Variants in SNX19 observed in about 807,000 individuals in gnomAD.
The protein encoded by SNX19 is sorting nexin 19, also known as sorting nexin-19.
A neutral mutation model predicts 85.2 loss-of-function variants in SNX19; 60 were observed. That is an observed-to-expected ratio of 0.70 (90% CI 0.57 to 0.87). The LOEUF is 0.87. Among genes scored for constraint, SNX19 ranks in the 40% least tolerant of loss-of-function variants. The pLI is 0.00. For missense variants in SNX19, 1,201 were observed against 1,217.8 expected (o/e 0.99, Z 0.21); for synonymous variants, 520 against 470.0 (o/e 1.11, Z -1.38).
Position 130,915,018 on chromosome 11 carries a change from C to T in SNX19, c.922G>A (p.Val308Ile), listed in dbSNP as rs775943612. 11 of 1,614,162 alleles carry T rather than the reference C, an allele frequency of 6.8e-6. No homozygotes were observed. Among genetic ancestry groups the T allele is most frequent in the African/African-American group, 1.3e-5 (1 of 75,040 alleles). Residue 308 changes from valine to isoleucine, a missense_variant, in exon 1 of 11, where the codon GTA (valine) becomes ATA (isoleucine). Around this residue, in one of 3 missense-constraint regions of SNX19, gnomAD observed 791 missense variants for 750.9 expected, o/e 1.05. Coordinates refer to ENST00000265909, the MANE Select transcript of SNX19 (RefSeq NM_014758.3). ...EQLPEGRASP[V>I]AAPVFLSYSE... ...TAACTTAGGAATACTGGGGCTGCTA[C>T]TGGAGAAGCTCTCCCTTCTGGAAGC...
At chr11:130,908,185 AG>A (rs1592361664) in intron 4 of SNX19, 102 bp from the exon 5 acceptor site, 1 of 1,378,300 alleles carries the variant, frequency 7.3e-7, no homozygotes. Flanking sequence ...GGACAAGGAG[AG>A]GGGCCAGGCT....
At chr11:130,900,326 C>T (rs1945175815) in intron 8 of SNX19, among the ~76,000 whole-genome samples, 1 of 152,146 alleles carries the variant, frequency 6.6e-6, no homozygotes, top group African/African-American at 2.4e-5. Context: ...CATATATTGA[C>T]ATTTTATCCT....
At position 130,876,090 on chromosome 11, in the gene SNX19, T is replaced by G. The variant is rs1197299805; in HGVS notation, c.*2332A>C. 1 of 152,248 alleles carries G rather than the reference T, an allele frequency of 6.6e-6. No individual in the cohort carries two copies. The highest frequency in any genetic ancestry group is 2.4e-5 in the African/African-American group (1 of 41,468). 9.4% of individuals were successfully genotyped at this position (152,248 alleles called of 1,614,324 possible). A position where few individuals can be genotyped will look rare whatever the true frequency, so the allele number is the denominator to read the frequency against. On this transcript the variant is annotated 3_prime_UTR_variant, in exon 11 of 11. Coordinates refer to ENST00000265909, the MANE Select transcript of SNX19 (RefSeq NM_014758.3). ...AGTAAGAAAAGGGAAAGTAGTCTTA[T>G]TTCAAATATCAAAATTCTGACTTAA...
chr11:130,894,925 G>A, intron 8 of SNX19: 4 of 985,370 alleles, frequency 4.1e-6, no homozygotes, highest in Non-Finnish European at 4.8e-6. Flanking sequence ...CATGCACTAG[G>A]CTATGATTTC....
rs765929743 is a variant in SNX19 at position 130,903,307 on chromosome 11, T to G, written c.2521A>C (p.Thr841Pro). ...CGAAGAAACTTTTGCATGTTTTCGG[T>G]ACATAGCCATTTCCACTGTTCTGTT... ...LLTEQWKWLC[T>P]ENMQKFLRLI... The change falls in exon 8 of 11, where the codon ACC (threonine) becomes CCC (proline). Residue 841 changes from threonine (T) to proline (P), a missense_variant. Around this residue, in one of 3 missense-constraint regions of SNX19, gnomAD observed 285 missense variants for 295.3 expected, o/e 0.97. Transcript: ENST00000265909. 1.3e-5 allele frequency: 21 copies of G among 1,614,012 alleles called. No individual in the cohort carries two copies. The highest frequency in any genetic ancestry group is 1.7e-5 in the Non-Finnish European group (20 of 1,179,922).
At position 130,915,413 on chromosome 11, in the gene SNX19, G is replaced by A; in HGVS notation, c.527C>T (p.Thr176Ile). 1 of 1,613,930 alleles carries A rather than the reference G, an allele frequency of 6.2e-7. No homozygotes were observed. The highest frequency in any genetic ancestry group is 8.5e-7 in the Non-Finnish European group (1 of 1,180,040). The change falls in exon 1 of 11, where the codon ACT becomes ATT. Residue 176 changes from threonine (T) to isoleucine (I), a missense_variant. Thr to Ile is a moderately conservative substitution (Grantham distance 89). Transcript: ENST00000265909. ...CTCAACTGGACCATTCTTCCCTGCA[G>A]TGGCCTCCTTTGCCTGAATGTAGCT... is the stretch of plus-strand genomic sequence containing the variant. ...LQSYIQAKEA[T>I]AGKNGPVEPS... is the part of the protein sequence containing the mutation.
rs973169919 is a variant in SNX19, at chr11:130,866,875, G to A, written c.*11547C>T. The A allele has an allele frequency of 2.6e-5, 4 of 152,224 alleles. No individual in the cohort carries two copies. Among genetic ancestry groups the A allele is most frequent in the African/African-American group, 4.8e-5 (2 of 41,458 alleles). The allele number at this position is 152,224 out of a possible 1,614,324, so 9.4% of individuals were successfully genotyped here. ...AGGTCCTGGCTTTGCTAATAATAAT[G>A]ACATTTATTATGCACTGTGTGCTAG... On this transcript the variant is annotated 3_prime_UTR_variant, in exon 11 of 11. Transcript: ENST00000265909.
In SNX19 at chr11:130,869,119, TAAC is replaced by T. The variant is rs1942907946; in HGVS notation, c.*9300_*9302del. ...ACAAGACAATCTGCCTCCAAGGGAT[TAAC>T]AGCCCAGTAGGGAAGACAGACCAAC... On this transcript the variant is annotated 3_prime_UTR_variant, in exon 11 of 11. Coordinates refer to ENST00000265909, the MANE Select transcript of SNX19 (RefSeq NM_014758.3). The T allele has an allele frequency of 2.0e-5, 3 of 152,322 alleles. No individual in the cohort carries two copies. In the South Asian group the frequency reaches 6.2e-4, roughly 32 times the overall value. The allele number at this position is 152,322 out of a possible 1,614,324, so 9.4% of individuals were successfully genotyped here. A position where few individuals can be genotyped will look rare whatever the true frequency, so the allele number is the denominator to read the frequency against.
At chr11:130,902,458 A>C (rs1945323794) in intron 8 of SNX19, among the ~76,000 whole-genome samples, 1 of 152,224 alleles carries the variant, frequency 6.6e-6, no homozygotes, top group Non-Finnish European at 1.5e-5. Context: ...ACCTGTTAGC[A>C]TGAGCCTCAT....
At chr11:130,908,555 T>C (rs759180128) in intron 4 of SNX19, among the ~76,000 whole-genome samples, 3 of 152,210 alleles carry the variant, frequency 2.0e-5, no homozygotes, top group Non-Finnish European at 2.9e-5. Flanking sequence ...CATAGTAATA[T>C]TAACATGCTT....
At chr11:130,883,542 T>G (rs1943840098) in intron 8 of SNX19, among the ~76,000 whole-genome samples, 1 of 152,138 alleles carries the variant, frequency 6.6e-6, no homozygotes, top group Admixed American at 6.5e-5. Flanking sequence ...AGCTGCAGAG[T>G]GCCAGCTTTC....
intron 10 of SNX19, 37 bp downstream of exon 10, chr11:130,879,587 A>G: frequency 6.3e-7 from 1 of 1,575,742 alleles, no homozygotes; most frequent in Non-Finnish European, 8.7e-7. Flanking sequence ...AGGTGGCTGT[A>G]ACTATGCTGA....
chr11:130,910,488 A>T lies in SNX19; in HGVS notation c.1814-118T>A, dbSNP rs1946021483. 6.5e-6 allele frequency: 5 copies of T among 766,058 alleles called. No homozygotes were observed. In the South Asian group the frequency reaches 9.7e-5, roughly 15 times the overall value. 47.5% of individuals were successfully genotyped at this position (766,058 alleles called of 1,614,324 possible). A position where few individuals can be genotyped will look rare whatever the true frequency, so the allele number is the denominator to read the frequency against. ...AATATATTTCCTTGGATTAAAAAAAACAATTTCAGGACTTCCAAATATACA... is the reference window on the plus strand; with the variant it reads ...AATATATTTCCTTGGATTAAAAAAATCAATTTCAGGACTTCCAAATATACA... On this transcript the variant is annotated intron_variant, in intron 2 of 10. Transcript: ENST00000265909.
chr11:130,871,466 A>G lies in SNX19; in HGVS notation c.*6956T>C, dbSNP rs918367069. Among the ~76,000 whole-genome samples, 6 of 152,194 alleles carry G rather than the reference A, an allele frequency of 3.9e-5. No individual in the cohort carries two copies. The highest frequency in any genetic ancestry group is 1.2e-4 in the African/African-American group (5 of 41,458). ...CTCCAAAAGTGTTTTTCCTCCCTTA[A>G]TAAGGTCTATTCTTCTTGGTGTCAA... On this transcript the variant is annotated 3_prime_UTR_variant, in exon 11 of 11. Transcript: ENST00000265909.
In SNX19 at chr11:130,915,379, GTGGGAAGGCTCAAC is replaced by G; in HGVS notation, c.547_560del (p.Val183ProfsTer21). The G allele has an allele frequency of 6.2e-7, 1 of 1,613,858 alleles. No individual in the cohort carries two copies. Among genetic ancestry groups the G allele is most frequent in the Non-Finnish European group, 8.5e-7 (1 of 1,179,816 alleles). ...TCGCCCGGCAGTAAGCCTCCCAGAG[GTGGGAAGGCTCAAC>G]TGGACCATTCTTCCCTGCAGTGGCC... On this transcript the variant is annotated frameshift_variant, in exon 1 of 11. Transcript: ENST00000265909. LOFTEE classifies it high-confidence loss of function.
At position 130,875,509 on chromosome 11, in the gene SNX19, T is replaced by G. The variant is rs1231911135; in HGVS notation, c.*2913A>C. On this transcript the variant is annotated 3_prime_UTR_variant, in exon 11 of 11. Coordinates refer to ENST00000265909, the MANE Select transcript of SNX19 (RefSeq NM_014758.3). The stretch of plus-strand genomic sequence containing the variant: ...TGTACTGTACACTTAAGAGGGTAGA[T>G]CTCACATTATGTGTTTCTTTACAAC... The G allele has an allele frequency of 5.3e-5, 8 of 152,222 alleles. No individual in the cohort carries two copies. Among genetic ancestry groups the G allele is most frequent in the Admixed American group, 6.5e-5 (1 of 15,280 alleles). 9.4% of individuals were successfully genotyped at this position (152,222 alleles called of 1,614,324 possible).
At chr11:130,914,157 A>G (rs889720997) in intron 1 of SNX19, 109 bp downstream of exon 1, 1 of 895,774 alleles carries the variant, frequency 1.1e-6, no homozygotes, top group Non-Finnish European at 1.7e-6. Flanking sequence ...GCCTATTGAA[A>G]GAACCACTTC....
At chr11:130,888,332 G>A (rs1471196017) in intron 8 of SNX19, among the ~76,000 whole-genome samples, 1 of 152,144 alleles carries the variant, frequency 6.6e-6, no homozygotes, top group African/African-American at 2.4e-5. Context: ...ATAAGATGAA[G>A]AGCAGTGCTC....
chr11:130,897,221 AC>A (rs1219611821), intron 8 of SNX19, among the ~76,000 whole-genome samples: 2 of 151,976 alleles, frequency 1.3e-5, no homozygotes, highest in African/African-American at 2.4e-5. Flanking sequence ...TTAAACCTGC[AC>A]ACCCTTTCTT....
Sources: gnomAD v4.1 joint callset for allele counts (sites outside exome capture counted in the v4.1 genomes callset) on GRCh38, gnomAD v4.1.1 for gene constraint, gnomAD v4.1.1 regional missense constraint, MANE v1.5 for transcripts, NCBI Gene and HGNC (gene_info 2026-07-23, HGNC 2026-07-21) for gene names.